FREM2: variants seen among roughly 807,000 people sequenced by gnomAD.
FREM2 encodes FRAS1 related extracellular matrix 2, also known as FRAS1-related extracellular matrix protein 2.
A neutral mutation model predicts 219.9 loss-of-function variants in FREM2; 119 were observed. The ratio of observed to expected loss-of-function variants is 0.54; its 90% confidence interval spans 0.47 to 0.63. The LOEUF is 0.63. FREM2 is among the 30% of genes least tolerant of loss of function. FREM2 has a pLI of 0.00. For missense variants in FREM2, 4,030 were observed against 3,993.6 expected, an observed-to-expected ratio of 1.01 and a Z score of -0.25; for synonymous variants, 1,562 against 1,522.8, an observed-to-expected ratio of 1.03 and a Z score of -0.60.
intron 11 of FREM2, among the ~76,000 whole-genome samples, chr13:38,853,427 TTA>T (rs1877450209): frequency 6.6e-6 from 1 of 152,166 alleles, no homozygotes; most frequent in East Asian, 1.9e-4. Flanking sequence ...CATTTATGAA[TTA>T]TTTGGAGTCT....
At chr13:38,712,345 GC>G (rs1870809424) in intron 2 of FREM2, among the ~76,000 whole-genome samples, 1 of 152,150 alleles carries the variant, frequency 6.6e-6, no homozygotes, top group African/African-American at 2.4e-5. Flanking sequence ...GTATTACCAA[GC>G]CCAAGTTTCC....
chr13:38,697,920 G>A (rs1870183887), intron 2 of FREM2, 133 bp downstream of exon 2: 2 of 707,148 alleles, frequency 2.8e-6, no homozygotes, highest in Admixed American at 2.0e-5. Flanking sequence ...GGTATTTGCT[G>A]TAGACAATTT....
Position 38,848,067 on chromosome 13 carries a change from T to A in FREM2, c.6170-394T>A, listed in dbSNP as rs180742180. 8.8e-4 allele frequency among the ~76,000 whole-genome samples: 134 copies of A among 152,326 alleles called. 2 individuals carry two copies. In the East Asian group the frequency reaches 0.025, roughly 28 times the overall value. ...AAGATACATAAATACTTAATTAATG[T>A]TAACAAAATTTTAAATGTCTCTATT... is the stretch of plus-strand genomic sequence containing the variant. On this transcript the variant is annotated intron_variant, in intron 7 of 23. Coordinates refer to ENST00000280481, the MANE Select transcript of FREM2 (RefSeq NM_207361.6).
chr13:38,795,725 T>C (rs151149155), intron 6 of FREM2, among the ~76,000 whole-genome samples: 141 of 152,276 alleles, frequency 9.3e-4, no homozygotes, highest in African/African-American at 3.3e-3. Context: ...CAAACACACC[T>C]CTCTTTATCC....
At chr13:38,695,489 A>C (rs1394061138) in intron 1 of FREM2, among the ~76,000 whole-genome samples, 4 of 152,332 alleles carry the variant, frequency 2.6e-5, no homozygotes, top group Non-Finnish European at 4.4e-5. Context: ...CAATGAAACT[A>C]TCCCTTAACG....
intron 6 of FREM2, among the ~76,000 whole-genome samples, chr13:38,825,036 T>C (rs1168727053): frequency 6.6e-6 from 1 of 152,078 alleles, no homozygotes; most frequent in Non-Finnish European, 1.5e-5. Context: ...TTCTCACTGA[T>C]ATAATTTTTT....
intron 7 of FREM2, among the ~76,000 whole-genome samples, chr13:38,847,450 T>C (rs1201551503): frequency 6.6e-6 from 1 of 152,220 alleles, no homozygotes; most frequent in Non-Finnish European, 1.5e-5. Context: ...ACTTTTTTAA[T>C]GTAGTGGAAG....
rs2137948754 is a variant in FREM2, at chr13:38,885,444, A to AGG, written c.*4658_*4659insGG. 1 of 152,282 alleles carries AGG rather than the reference A, an allele frequency of 6.6e-6. No homozygotes were observed. Among genetic ancestry groups the AGG allele is most frequent in the Non-Finnish European group, 1.5e-5 (1 of 68,014 alleles). 9.4% of individuals were successfully genotyped at this position (152,282 alleles called of 1,614,324 possible). ...GTTTTTTCAATATTTTGTTTGCTAAAGAACAATAACAACAACAAAGCTGGT... is the reference window on the plus strand; with the variant it reads ...GTTTTTTCAATATTTTGTTTGCTAAAGGGAACAATAACAACAACAAAGCTGGT... On this transcript the variant is annotated 3_prime_UTR_variant, in exon 24 of 24. Transcript: ENST00000280481.
intron 16 of FREM2, among the ~76,000 whole-genome samples, chr13:38,870,880 T>C (rs1451338241): frequency 6.6e-6 from 1 of 152,158 alleles, no homozygotes; most frequent in African/African-American, 2.4e-5. Context: ...TTGGAAAAAA[T>C]TATTCTTAGC....
At chr13:38,856,687 C>G (rs893046119) in intron 12 of FREM2, among the ~76,000 whole-genome samples, 1 of 146,240 alleles carries the variant, frequency 6.8e-6, no homozygotes, top group African/African-American at 2.7e-5. Flanking sequence ...TCTGTTTCTC[C>G]TGGCTTTATC....
At chr13:38,852,308 C>T (rs1458662302) in intron 11 of FREM2, among the ~76,000 whole-genome samples, 1 of 152,138 alleles carries the variant, frequency 6.6e-6, no homozygotes, top group African/African-American at 2.4e-5. Context: ...TTTAGTAAAA[C>T]AAACACAATG....
intron 16 of FREM2, among the ~76,000 whole-genome samples, chr13:38,870,474 C>T (rs1011393760): frequency 4.6e-5 from 7 of 152,100 alleles, no homozygotes; most frequent in Non-Finnish European, 1.0e-4. Context: ...TCAGTATAAA[C>T]AAATACCTCG....
At position 38,880,837 on chromosome 13, in the gene FREM2, A is replaced by C. The variant is rs1285592707; in HGVS notation, c.*50A>C. On this transcript the variant is annotated 3_prime_UTR_variant, in exon 24 of 24. Transcript: ENST00000280481. ...TTCCGTAAGTGCCTCGGAAAAGATC[A>C]CAATGGAACCTTAAATACTTCTGGT... 1 of 1,599,488 alleles carries C rather than the reference A, an allele frequency of 6.3e-7. No individual in the cohort carries two copies. Among genetic ancestry groups the C allele is most frequent in the Non-Finnish European group, 8.6e-7 (1 of 1,168,068 alleles).
At chr13:38,862,197 A>G (rs1444186573) in intron 15 of FREM2, among the ~76,000 whole-genome samples, 1 of 152,254 alleles carries the variant, frequency 6.6e-6, no homozygotes, top group East Asian at 1.9e-4. Flanking sequence ...TATGTTAGTT[A>G]TATTTTATGT....
Position 38,859,405 on chromosome 13 carries a change from G to T in FREM2, c.7334G>T (p.Gly2445Val), listed in dbSNP as rs1274444661. The part of the protein sequence containing the change: ...WLISAPAGPD[G>V]VTSPMREVDF... ...ATTAGTGCACCTGCGGGCCCTGACGGTGTGACCAGCCCTATGAGAGAAGTG... is the reference window on the plus strand; with the variant it reads ...ATTAGTGCACCTGCGGGCCCTGACGTTGTGACCAGCCCTATGAGAGAAGTG... The change falls in exon 14 of 24, where the codon GGT becomes GTT. Residue 2445 changes from glycine to valine, a missense_variant. Physicochemically the swap from Gly to Val is moderately radical, Grantham distance 109. This residue lies in a region of FREM2 where 928 missense variants were observed against 1,042.9 expected (regional missense o/e 0.89). Transcript: ENST00000280481. 4.3e-6 allele frequency: 7 copies of T among 1,614,184 alleles called. No individual in the cohort carries two copies. The highest frequency in any genetic ancestry group is 1.1e-5 in the South Asian group (1 of 91,080).
chr13:38,758,163 C>T, intron 2 of FREM2, among the ~76,000 whole-genome samples: 1 of 152,126 alleles, frequency 6.6e-6, no homozygotes, highest in East Asian at 1.9e-4. Context: ...CTTGACCTTG[C>T]CTTCTTTGTC....
chr13:38,746,926 G>A (rs2137788181), intron 2 of FREM2, among the ~76,000 whole-genome samples: 1 of 152,298 alleles, frequency 6.6e-6, no homozygotes, highest in South Asian at 2.1e-4. Context: ...GTCCTTGGTA[G>A]AAACCAGTGC....
Position 38,783,106 on chromosome 13 carries a change from T to A in FREM2, c.5678T>A (p.Val1893Asp). ...TVFIPQSKYSVEEDVGELFIP... is the reference protein window; with the variant it reads ...TVFIPQSKYSDEEDVGELFIP... ...TTTATTCCCCAGTCCAAATACTCCG[T>A]TGAAGAAGATGTTGGTGAGCTGTTC... is the stretch of plus-strand genomic sequence containing the variant. Residue 1893 changes from valine (V) to aspartate (D), a missense_variant, in exon 5 of 24, where the codon GTT becomes GAT. By Grantham distance (152) the Val-to-Asp change is radical (BLOSUM62 -3). Around this residue, in one of 2 missense-constraint regions of FREM2, gnomAD observed 3,102 missense variants for 2,950.7 expected, o/e 1.05. Transcript: ENST00000280481. 1 of 1,614,002 alleles carries A rather than the reference T, an allele frequency of 6.2e-7. No individual in the cohort carries two copies. Among genetic ancestry groups the A allele is most frequent in the Non-Finnish European group, 8.5e-7 (1 of 1,179,950 alleles).
chr13:38,762,078 G>T, intron 2 of FREM2, among the ~76,000 whole-genome samples: 1 of 152,174 alleles, frequency 6.6e-6, no homozygotes, highest in East Asian at 1.9e-4. Context: ...AGGGCAGAGT[G>T]AGCTTGCATT....
Sources: gnomAD v4.1 joint callset for allele counts (sites outside exome capture counted in the v4.1 genomes callset) on GRCh38, gnomAD v4.1.1 for gene constraint, gnomAD v4.1.1 regional missense constraint, MANE v1.5 for transcripts, NCBI Gene and HGNC (gene_info 2026-07-23, HGNC 2026-07-21) for gene names.